ZNF423: variants seen among roughly 807,000 people sequenced by gnomAD.
ZNF423 encodes the protein zinc finger protein 423, also known as Ebf-associated zinc finger protein.
In ZNF423, 12 loss-of-function variants were observed where a neutral mutation model predicts 95.8. The ratio of observed to expected loss-of-function variants is 0.13; its 90% CI spans 0.08 to 0.20. The LOEUF (loss-of-function observed/expected upper bound fraction) is 0.20. Ranked by LOEUF, ZNF423 falls within the 10% of genes least tolerant of loss-of-function variation. The pLI, the probability that ZNF423 is intolerant of heterozygous loss-of-function variation, is 1.00. For synonymous variants in ZNF423, 749 were observed against 711.9 expected (o/e 1.05, Z -0.83); for missense variants, 1,316 against 1,737.1 (o/e 0.76, Z 4.31).
intron 5 of ZNF423, among the ~76,000 whole-genome samples, chr16:49,542,003 A>T (rs946356096): frequency 1.9e-4 from 29 of 152,212 alleles, no homozygotes; most frequent in Non-Finnish European, 4.0e-4. Context: ...AAAGCTTTTT[A>T]AAAATTTTAA....
chr16:49,570,000 C>T (rs1250004273), intron 5 of ZNF423, among the ~76,000 whole-genome samples: 1 of 152,182 alleles, frequency 6.6e-6, no homozygotes, highest in East Asian at 1.9e-4. Flanking sequence ...TTGAAGCCAT[C>T]TGAGGTCTGC....
In ZNF423 at chr16:49,730,842, C is replaced by T; in HGVS notation, c.230G>A (p.Cys77Tyr). Residue 77 changes from cysteine to tyrosine, a missense_variant, in exon 3 of 8, where the codon TGC becomes TAC. By Grantham distance (194) the Cys-to-Tyr change is radical (BLOSUM62 -2). Transcript: ENST00000563137. ...EDMEDESIYT[C>Y]DHCQQDFESL... The stretch of plus-strand genomic sequence containing the variant: ...CTCGAAGTCCTGCTGACAGTGATCG[C>T]AGGTGTAAATTGATTCATCCTCCAT... The T allele has an allele frequency of 6.2e-7, 1 of 1,614,168 alleles. No individual in the cohort carries two copies. The highest frequency in any genetic ancestry group is 8.5e-7 in the Non-Finnish European group (1 of 1,180,040).
chr16:49,646,688 G>A (rs1973186307), intron 3 of ZNF423, among the ~76,000 whole-genome samples: 1 of 151,368 alleles, frequency 6.6e-6, no homozygotes, highest in African/African-American at 2.4e-5. Flanking sequence ...CTCTGCCTCG[G>A]TAGGAATCCT....
intron 3 of ZNF423, among the ~76,000 whole-genome samples, chr16:49,722,562 C>T (rs2032896753): frequency 6.6e-6 from 1 of 152,222 alleles, no homozygotes; most frequent in African/African-American, 2.4e-5. Context: ...CCATCTCTTC[C>T]ATCTCTAAAC....
At chr16:49,510,148 C>A (rs969214083) in intron 7 of ZNF423, among the ~76,000 whole-genome samples, 1 of 152,208 alleles carries the variant, frequency 6.6e-6, no homozygotes, top group Non-Finnish European at 1.5e-5. Flanking sequence ...CCAATTCCAC[C>A]TCAGATGTTG....
intron 4 of ZNF423, among the ~76,000 whole-genome samples, chr16:49,631,596 C>T (rs1414835430): frequency 6.6e-6 from 1 of 152,184 alleles, no homozygotes; most frequent in African/African-American, 2.4e-5. Context: ...TCCCCCAACA[C>T]AGCCCTGAGC....
chr16:49,525,159 A>C (rs1332662266), intron 6 of ZNF423, among the ~76,000 whole-genome samples: 2 of 152,184 alleles, frequency 1.3e-5, no homozygotes, highest in Non-Finnish European at 2.9e-5. Flanking sequence ...GCCAGAGAGC[A>C]CTGAAGGAGG....
At position 49,646,574 on chromosome 16, in the gene ZNF423, C is replaced by CTTTTTTTTT. The variant is rs71380366; in HGVS notation, c.302-7709_302-7701dup. Among the ~76,000 whole-genome samples, 564 of 117,936 alleles carry CTTTTTTTTT rather than the reference C, an allele frequency of 4.8e-3. 29 individuals carry two copies. The highest frequency in any genetic ancestry group is 0.016 in the African/African-American group (524 of 33,572). The allele number at this position is 117,936 out of a possible 152,430, so 77.4% of individuals were successfully genotyped here. On this transcript the variant is annotated intron_variant, in intron 3 of 7. Coordinates refer to ENST00000563137, the MANE Select transcript of ZNF423 (RefSeq NM_001379286.1). Reference sequence around the variant, plus strand: ...TTATGGCACATTTTCTTTTCTTTTTCTTTTTTTTTTTTTTGAGAAGGAGTC... The same window carrying CTTTTTTTTT: ...TTATGGCACATTTTCTTTTCTTTTTCTTTTTTTTTTTTTTTTTTTTTTTGAGAAGGAGTC...
chr16:49,769,921 C>T (rs976941092), intron 2 of ZNF423, among the ~76,000 whole-genome samples: 5 of 152,266 alleles, frequency 3.3e-5, no homozygotes, highest in African/African-American at 9.6e-5. Context: ...AACGCCCCCT[C>T]CTTGGTACAG....
intron 5 of ZNF423, among the ~76,000 whole-genome samples, chr16:49,615,846 G>T (rs1044709549): frequency 6.6e-6 from 1 of 152,212 alleles, no homozygotes; most frequent in Non-Finnish European, 1.5e-5. Context: ...GGGTTCAAGT[G>T]TTCAGGTCGG....
intron 2 of ZNF423, among the ~76,000 whole-genome samples, chr16:49,747,948 G>A (rs1183912260): frequency 6.6e-6 from 1 of 152,240 alleles, no homozygotes; most frequent in African/African-American, 2.4e-5. Context: ...GGATGAGCTT[G>A]AATAAATGGT....
At chr16:49,688,469 C>T (rs2031654346) in intron 3 of ZNF423, among the ~76,000 whole-genome samples, 1 of 152,156 alleles carries the variant, frequency 6.6e-6, no homozygotes, top group Non-Finnish European at 1.5e-5. Flanking sequence ...GCGAGATCCC[C>T]GAGTGACGGG....
At chr16:49,664,619 C>T (rs1459305360) in intron 3 of ZNF423, among the ~76,000 whole-genome samples, 1 of 148,578 alleles carries the variant, frequency 6.7e-6, no homozygotes, top group African/African-American at 2.5e-5. Context: ...GGACACTGCC[C>T]CTGTCTGCCA....
intron 3 of ZNF423, among the ~76,000 whole-genome samples, chr16:49,652,920 A>G (rs1330728221): frequency 6.6e-6 from 1 of 152,208 alleles, no homozygotes; most frequent in Non-Finnish European, 1.5e-5. Flanking sequence ...GCAGTGATTA[A>G]AATTCATTAT....
intron 1 of ZNF423, among the ~76,000 whole-genome samples, chr16:49,838,257 C>A (rs2035142194): frequency 6.6e-6 from 1 of 152,220 alleles, no homozygotes. Context: ...GAGCACAGTT[C>A]TGGGGCTGGA....
chr16:49,689,278 CA>C (rs150078202), intron 3 of ZNF423, among the ~76,000 whole-genome samples: 2,450 of 140,526 alleles, frequency 0.017, 52 homozygotes, highest in African/African-American at 0.056. Flanking sequence ...CCCATCTCTA[CA>C]AAAAAAAAAA....
chr16:49,821,484 G>A (rs2034939739), intron 1 of ZNF423, among the ~76,000 whole-genome samples: 1 of 152,176 alleles, frequency 6.6e-6, no homozygotes, highest in South Asian at 2.1e-4. Context: ...TTCAGGCCCA[G>A]AAGAACGCAC....
At chr16:49,845,747 T>C (rs930708014) in intron 1 of ZNF423, among the ~76,000 whole-genome samples, 2 of 151,934 alleles carry the variant, frequency 1.3e-5, no homozygotes, top group African/African-American at 4.8e-5. Context: ...TTTCGCCATG[T>C]TGCCCAGGCT....
chr16:49,684,023 A>G (rs4785331), intron 3 of ZNF423, among the ~76,000 whole-genome samples: 97,867 of 152,090 alleles, frequency 0.64, 33,179 homozygotes, highest in Admixed American at 0.77. Flanking sequence ...GTGAGCTGTG[A>G]TTGTGCCACT....
Sources: gnomAD v4.1 joint callset for allele counts (sites outside exome capture counted in the v4.1 genomes callset) on GRCh38, gnomAD v4.1.1 for gene constraint, MANE v1.5 for transcripts, NCBI Gene and HGNC (gene_info 2026-07-23, HGNC 2026-07-21) for gene names.